The following DNM2 variants were observed in gnomAD, a reference collection of about 807,000 sequenced individuals.
DNM2 encodes dynamin-2.
DNM2 carries 15 observed loss-of-function variants against 99.0 expected under a neutral mutation model. The ratio of observed to expected loss-of-function variants is 0.15; its 90% CI spans 0.10 to 0.23. The LOEUF (loss-of-function observed/expected upper bound fraction) is 0.23. Ranked by LOEUF, DNM2 falls within the 10% of genes least tolerant of loss-of-function variation. DNM2 has a pLI of 1.00. For missense variants in DNM2, 742 were observed against 1,189.4 expected (o/e 0.62, Z 5.53); for synonymous variants, 525 against 481.2 (o/e 1.09, Z -1.19).
intron 18 of DNM2, 170 bp from the exon 19 acceptor site, chr19:10,828,866 A>G (rs62131829): frequency 9.6e-5 from 64 of 666,400 alleles, no homozygotes; most frequent in Non-Finnish European, 1.4e-4. Context: ...CGGAGGTTGC[A>G]GTGAGCTGAA....
intron 12 of DNM2, among the ~76,000 whole-genome samples, chr19:10,803,469 G>A (rs949855501): frequency 2.6e-5 from 4 of 152,200 alleles, no homozygotes; most frequent in African/African-American, 9.6e-5. Context: ...CCCGGCCGCC[G>A]GGTGTGTGTG....
Position 10,718,192 on chromosome 19 carries a change from T to A in DNM2, c.-51T>A, listed in dbSNP as rs2068816056. 1 of 1,386,444 alleles carries A rather than the reference T, an allele frequency of 7.2e-7. No individual in the cohort carries two copies. Among genetic ancestry groups the A allele is most frequent in the Non-Finnish European group, 9.4e-7 (1 of 1,067,840 alleles). The allele number at this position is 1,386,444 out of a possible 1,614,324, so 85.9% of individuals were successfully genotyped here. A position where few individuals can be genotyped will look rare whatever the true frequency, so the allele number is the denominator to read the frequency against. ...CGCCGCGGGGCCAGGTCGTTGAGGG[T>A]CGGCGGCGGGCGAGGAGCGCAGGGC... On this transcript the variant is annotated 5_prime_UTR_variant, in exon 1 of 21. Coordinates refer to ENST00000389253, the MANE Select transcript of DNM2 (RefSeq NM_001005361.3).
At position 10,767,131 on chromosome 19, in the gene DNM2, C is replaced by G. The variant is rs142949949; in HGVS notation, c.236-5348C>G. ...CAGGGGTGGCTCAGTGGCTTGTTGG[C>G]TGGGCCTCGGCTGCTGCTGCTGTGG... is the stretch of plus-strand genomic sequence containing the variant. On this transcript the variant is annotated intron_variant, in intron 2 of 20. Transcript: ENST00000389253. Among the ~76,000 whole-genome samples, 588 of 151,914 alleles carry G rather than the reference C, an allele frequency of 3.9e-3. 5 individuals are homozygous for G. The highest frequency in any genetic ancestry group is 0.013 in the African/African-American group (553 of 41,412).
At chr19:10,825,249 A>C in intron 18 of DNM2, 28 bp downstream of exon 18, 4 of 1,612,816 alleles carry the variant, frequency 2.5e-6, no homozygotes, top group Non-Finnish European at 3.4e-6. Flanking sequence ...AATGAGAAGG[A>C]GGTAGCTGGG....
chr19:10,793,223 C>A (rs1236638571), intron 7 of DNM2, among the ~76,000 whole-genome samples: 1 of 152,184 alleles, frequency 6.6e-6, no homozygotes, highest in African/African-American at 2.4e-5. Context: ...TGTTGTTACC[C>A]TCAACCCATT....
At chr19:10,805,190 G>A (rs978766799) in intron 12 of DNM2, among the ~76,000 whole-genome samples, 4 of 152,198 alleles carry the variant, frequency 2.6e-5, no homozygotes, top group Admixed American at 1.3e-4. Flanking sequence ...ACACCCTGTC[G>A]ACCTTGGATG....
At chr19:10,721,304 G>A (rs752580077) in intron 1 of DNM2, among the ~76,000 whole-genome samples, 1 of 152,016 alleles carries the variant, frequency 6.6e-6, no homozygotes. Context: ...TTACAGGCGC[G>A]CGTTACCACA....
chr19:10,719,416 G>A (rs1182701605), intron 1 of DNM2, among the ~76,000 whole-genome samples: 3 of 152,124 alleles, frequency 2.0e-5, no homozygotes, highest in East Asian at 3.9e-4. Context: ...CTGGGAAGGG[G>A]CTTCTTGCGT....
At chr19:10,805,528 G>A (rs925921978) in intron 12 of DNM2, among the ~76,000 whole-genome samples, 1 of 152,128 alleles carries the variant, frequency 6.6e-6, no homozygotes, top group African/African-American at 2.4e-5. Context: ...CCAGCTACTC[G>A]GGAGACTGAG....
rs779394836 is a variant in DNM2, at chr19:10,830,127, C to T, written c.2292C>T (p.Ser764=). The change falls in exon 20 of 21, where the codon AGC becomes AGT. Residue 764 remains serine (S), a splice_region_variant and synonymous_variant. Coordinates refer to ENST00000389253, the MANE Select transcript of DNM2 (RefSeq NM_001005361.3). This position sits in a 1 kb window ranked among gnomAD's most constrained non-coding sequence, Gnocchi z 4.8. ...DTWLQSASSH[S]PTPQRRPVSS... is the part of the protein sequence containing the mutation. ...GCTCACACCCTCTCCTTCCTCACAG[C>T]CCCACTCCACAGCGCCGACCGGTGT... 6 of 1,613,850 alleles carry T rather than the reference C, an allele frequency of 3.7e-6. No individual in the cohort carries two copies. Among genetic ancestry groups the T allele is most frequent in the Non-Finnish European group, 5.1e-6 (6 of 1,179,826 alleles).
In DNM2 at chr19:10,831,203, C is replaced by A. The variant is rs2073339727; in HGVS notation, c.*156C>A. ...CGCTGGCCCCGGTCCAGGGCCGGCCCCTGTGCCTGGCTGGACACCGCACTG... is the reference window on the plus strand; with the variant it reads ...CGCTGGCCCCGGTCCAGGGCCGGCCACTGTGCCTGGCTGGACACCGCACTG... On this transcript the variant is annotated 3_prime_UTR_variant, in exon 21 of 21. Coordinates refer to ENST00000389253, the MANE Select transcript of DNM2 (RefSeq NM_001005361.3). This position sits in a 1 kb window ranked among gnomAD's most constrained non-coding sequence, Gnocchi z 4.3. 1 of 1,395,532 alleles carries A rather than the reference C, an allele frequency of 7.2e-7. No individual in the cohort carries two copies. The highest frequency in any genetic ancestry group is 9.3e-7 in the Non-Finnish European group (1 of 1,079,036). The allele number at this position is 1,395,532 out of a possible 1,614,324, so 86.4% of individuals were successfully genotyped here. A position where few individuals can be genotyped will look rare whatever the true frequency, so the allele number is the denominator to read the frequency against.
chr19:10,740,270 C>T (rs2069695098), intron 1 of DNM2, among the ~76,000 whole-genome samples: 1 of 152,028 alleles, frequency 6.6e-6, no homozygotes, highest in Non-Finnish European at 1.5e-5. Context: ...TATTTCTTCT[C>T]TAATTATTTC....
At chr19:10,793,640 C>A (rs746740272) in intron 7 of DNM2, 80 bp from the exon 8 acceptor site, 21 of 1,612,888 alleles carry the variant, frequency 1.3e-5, no homozygotes, top group Non-Finnish European at 1.8e-5. Flanking sequence ...GAACAGTAAA[C>A]CCTGGCTTGA....
In DNM2 at chr19:10,796,192, C is replaced by T; in HGVS notation, c.1196+753C>T. On this transcript the variant is annotated intron_variant, in intron 9 of 20. Transcript: ENST00000389253. The surrounding 1 kb of genome is among the most constrained non-coding windows in gnomAD (Gnocchi z 5.6). ...CTAATCAATACAGTTAGGCAGTGTA[C>T]CAGTAAGGTATTGCTCCCTCGGCAG... 6.2e-7 allele frequency: 1 copy of T among 1,614,082 alleles called. No homozygotes were observed. Among genetic ancestry groups the T allele is most frequent in the Non-Finnish European group, 8.5e-7 (1 of 1,180,020 alleles).
intron 7 of DNM2, among the ~76,000 whole-genome samples, chr19:10,793,107 TTTTC>T (rs2071811494): frequency 6.6e-6 from 1 of 152,174 alleles, no homozygotes; most frequent in African/African-American, 2.4e-5. Context: ...TGGCAGCATT[TTTTC>T]TTTTTTTGTG....
intron 14 of DNM2, 26 bp downstream of exon 14, chr19:10,808,606 A>C: frequency 6.2e-7 from 1 of 1,610,802 alleles, no homozygotes; most frequent in Non-Finnish European, 8.5e-7. Flanking sequence ...GTGTGGTAGC[A>C]AACATTAGAG....
intron 11 of DNM2, among the ~76,000 whole-genome samples, chr19:10,800,652 A>G (rs572278822): frequency 6.6e-6 from 1 of 152,244 alleles, no homozygotes; most frequent in African/African-American, 2.4e-5. Context: ...TTGGAGGTGC[A>G]GTGAGGGGAA....
chr19:10,728,450 G>T lies in DNM2; in HGVS notation c.161+10047G>T, dbSNP rs575239941. ...TGTGGGCCTGACTCTTGAGAGCAGG[G>T]CTGAATGGTGGGCACCATGGCGTTT... On this transcript the variant is annotated intron_variant, in intron 1 of 20. Transcript: ENST00000389253. Among the ~76,000 whole-genome samples, 20 of 152,286 alleles carry T rather than the reference G, an allele frequency of 1.3e-4. No homozygotes were observed. The South Asian group carries it at 1.9e-3, about 14-fold the overall frequency.
At position 10,811,129 on chromosome 19, in the gene DNM2, C is replaced by T. The variant is rs895699648; in HGVS notation, c.1558-1135C>T. The stretch of plus-strand genomic sequence containing the variant: ...TAACAAGGGGCGCCCGGTGGCATCT[C>T]ATGCTGTCCCCAGCCTGGGCAGTGA... On this transcript the variant is annotated intron_variant, in intron 14 of 20. Transcript: ENST00000389253. The surrounding 1 kb of genome is among the most constrained non-coding windows in gnomAD (Gnocchi z 5.4). 6.5e-6 allele frequency: 1 copy of T among 154,802 alleles called. No individual in the cohort carries two copies. Among genetic ancestry groups the T allele is most frequent in the Non-Finnish European group, 1.4e-5 (1 of 69,694 alleles). 9.6% of individuals were successfully genotyped at this position (154,802 alleles called of 1,614,324 possible).
Sources: allele counts gnomAD v4.1 joint callset (sites outside exome capture counted in the v4.1 genomes callset), GRCh38; gene constraint gnomAD v4.1.1; non-coding constraint Gnocchi (gnomAD v3.1); transcripts MANE v1.5; gene names NCBI Gene and HGNC (gene_info 2026-07-23, HGNC 2026-07-21).